Variants in SLC39A11 observed in about 807,000 individuals in gnomAD.
The protein encoded by SLC39A11 is zinc transporter ZIP11.
Under a neutral mutation model 36.1 loss-of-function variants are expected in SLC39A11, and 33 were observed. That is an observed-to-expected ratio of 0.91 (90% CI 0.69 to 1.22). SLC39A11 has a LOEUF of 1.22. SLC39A11 is among the 50% of genes most tolerant of loss of function. The pLI is 0.00. For synonymous variants in SLC39A11, 166 were observed against 170.3 expected (o/e 0.97, Z 0.20); for missense variants, 432 against 430.3 (o/e 1.00, Z -0.03).
At chr17:72,657,385 G>A (rs1567911485) in intron 7 of SLC39A11, among the ~76,000 whole-genome samples, 1 of 151,968 alleles carries the variant, frequency 6.6e-6, no homozygotes, top group Non-Finnish European at 1.5e-5. Flanking sequence ...ACAAACAAAA[G>A]ATAAATAAAT....
chr17:73,017,248 T>C (rs1464691198), intron 4 of SLC39A11, among the ~76,000 whole-genome samples: 1 of 152,078 alleles, frequency 6.6e-6, no homozygotes, highest in Non-Finnish European at 1.5e-5. Context: ...GTAAAATATA[T>C]AAAGCAACTA....
At chr17:72,992,238 G>A (rs1258517163) in intron 4 of SLC39A11, among the ~76,000 whole-genome samples, 1 of 152,208 alleles carries the variant, frequency 6.6e-6, no homozygotes, top group Non-Finnish European at 1.5e-5. Context: ...TGTAATCTCA[G>A]CTTTACTTGG....
Position 73,031,602 on chromosome 17 carries a change from A to G in SLC39A11, c.260T>C (p.Leu87Pro), listed in dbSNP as rs760246609. The G allele has an allele frequency of 2.0e-5, 32 of 1,614,198 alleles. No individual in the cohort carries two copies. The highest frequency in any genetic ancestry group is 2.6e-5 in the Non-Finnish European group (31 of 1,180,036). ...AGCCAAGTAGACAAAAGCCGCTCCAAGGGTGAAGCCAACAGCCACAGGGAA... is the reference window on the plus strand; with the variant it reads ...AGCCAAGTAGACAAAAGCCGCTCCAGGGGTGAAGCCAACAGCCACAGGGAA... ...AFFPVAVGFTLGAAFVYLADL... is the reference protein window; with the variant it reads ...AFFPVAVGFTPGAAFVYLADL... Residue 87 changes from leucine (L) to proline (P), a missense_variant, in exon 4 of 10, where the codon CTT becomes CCT. By Grantham distance (98) the Leu-to-Pro change is moderately conservative (BLOSUM62 -3). Coordinates refer to ENST00000255559, the MANE Select transcript of SLC39A11 (RefSeq NM_139177.4).
chr17:72,816,793 G>A (rs1392881637), intron 6 of SLC39A11, among the ~76,000 whole-genome samples: 2 of 152,142 alleles, frequency 1.3e-5, no homozygotes, highest in African/African-American at 4.8e-5. Flanking sequence ...TCATTTCCTG[G>A]TATTGGAGAT....
At chr17:72,719,204 G>A (rs1008587756) in intron 7 of SLC39A11, among the ~76,000 whole-genome samples, 7 of 152,232 alleles carry the variant, frequency 4.6e-5, no homozygotes, top group African/African-American at 1.7e-4. Context: ...CCAAGATCAT[G>A]CCACTGCACT....
In SLC39A11 at chr17:73,000,329, T is replaced by C. The variant is rs1196232091; in HGVS notation, c.306+31227A>G. On this transcript the variant is annotated intron_variant, in intron 4 of 9. Coordinates refer to ENST00000255559, the MANE Select transcript of SLC39A11 (RefSeq NM_139177.4). ...CTCTCTCAATCCCTCTCCTCTCATC[T>C]CTCTTCTCCCCTCTCTCTCTGCCTC... Among the ~76,000 whole-genome samples the C allele has an allele frequency of 5.3e-5, 8 of 150,192 alleles. No individual in the cohort carries two copies. The East Asian group carries it at 1.6e-3, about 29-fold the overall frequency.
At chr17:73,036,193 A>C (rs2058909024) in intron 3 of SLC39A11, among the ~76,000 whole-genome samples, 1 of 152,240 alleles carries the variant, frequency 6.6e-6, no homozygotes, top group Admixed American at 6.5e-5. Flanking sequence ...AGTTTGTTAC[A>C]ACAGCAATAG....
At position 72,692,202 on chromosome 17, in the gene SLC39A11, A is replaced by G. The variant is rs150850632; in HGVS notation, c.672-42934T>C. On this transcript the variant is annotated intron_variant, in intron 7 of 9. Coordinates refer to ENST00000255559, the MANE Select transcript of SLC39A11 (RefSeq NM_139177.4). ...AATTTTTTGTATTTTTAGTAGAGAC[A>G]GGGTTTCACCACATTAGCCAGGATG... 6.9e-4 allele frequency among the ~76,000 whole-genome samples: 105 copies of G among 151,868 alleles called. No homozygotes were observed. In the East Asian group the frequency reaches 0.017, roughly 24 times the overall value.
At chr17:72,701,400 G>A (rs1438596381) in intron 7 of SLC39A11, among the ~76,000 whole-genome samples, 2 of 152,174 alleles carry the variant, frequency 1.3e-5, no homozygotes, top group African/African-American at 4.8e-5. Flanking sequence ...GCCAGAAAGA[G>A]CTCTTTCAAG....
intron 4 of SLC39A11, among the ~76,000 whole-genome samples, chr17:72,968,709 T>C (rs945065876): frequency 1.3e-5 from 2 of 152,124 alleles, no homozygotes; most frequent in Non-Finnish European, 2.9e-5. Flanking sequence ...AAGCGTGGTG[T>C]TGACTCCTGT....
At chr17:72,783,153 A>T (rs1165718751) in intron 6 of SLC39A11, among the ~76,000 whole-genome samples, 2 of 150,480 alleles carry the variant, frequency 1.3e-5, no homozygotes, top group African/African-American at 2.4e-5. Flanking sequence ...GCAGATTCTC[A>T]CCAGAAAGCA....
intron 3 of SLC39A11, among the ~76,000 whole-genome samples, chr17:73,083,435 A>C (rs1262740209): frequency 1.3e-5 from 2 of 152,224 alleles, no homozygotes; most frequent in Non-Finnish European, 2.9e-5. Context: ...TCCAGATCGC[A>C]GGGCTATAAA....
At chr17:72,699,456 C>A (rs1235877216) in intron 7 of SLC39A11, among the ~76,000 whole-genome samples, 1 of 152,140 alleles carries the variant, frequency 6.6e-6, no homozygotes, top group African/African-American at 2.4e-5. Context: ...GCCTGGGAAT[C>A]TATCCAGTCT....
At chr17:72,752,145 A>T (rs2075178271) in intron 6 of SLC39A11, among the ~76,000 whole-genome samples, 1 of 152,144 alleles carries the variant, frequency 6.6e-6, no homozygotes, top group Non-Finnish European at 1.5e-5. Context: ...TAAACTTCTG[A>T]ACCCTGACAT....
intron 6 of SLC39A11, among the ~76,000 whole-genome samples, chr17:72,841,556 CAGTCGGGG>C (rs1054286079): frequency 3.3e-5 from 5 of 151,876 alleles, no homozygotes; most frequent in African/African-American, 1.2e-4. Context: ...CTGGGAAGGG[CAGTCGGGG>C]AGTCGGGGGA....
At chr17:72,853,372 C>T (rs1053599075) in intron 5 of SLC39A11, among the ~76,000 whole-genome samples, 9 of 151,966 alleles carry the variant, frequency 5.9e-5, no homozygotes, top group African/African-American at 1.7e-4. Flanking sequence ...AGAGAAGACA[C>T]ACACAAATTC....
chr17:72,680,259 T>G (rs988384046), intron 7 of SLC39A11, among the ~76,000 whole-genome samples: 1 of 151,996 alleles, frequency 6.6e-6, no homozygotes, highest in African/African-American at 2.4e-5. Context: ...CCTACCGCCC[T>G]CAGCTCCTGG....
chr17:73,045,738 C>T (rs2059265750), intron 3 of SLC39A11, among the ~76,000 whole-genome samples: 1 of 152,184 alleles, frequency 6.6e-6, no homozygotes, highest in Non-Finnish European at 1.5e-5. Context: ...TCCCAGAAAC[C>T]TTCAGTTTGC....
intron 3 of SLC39A11, among the ~76,000 whole-genome samples, chr17:73,078,999 T>G (rs1482287234): frequency 6.6e-6 from 1 of 152,154 alleles, no homozygotes; most frequent in East Asian, 1.9e-4. Context: ...CCAAAAAATT[T>G]ACATCATTGC....
Sources: gnomAD v4.1 joint callset for allele counts (sites outside exome capture counted in the v4.1 genomes callset) on GRCh38, gnomAD v4.1.1 for gene constraint, MANE v1.5 for transcripts, NCBI Gene and HGNC (gene_info 2026-07-23, HGNC 2026-07-21) for gene names.